Variants in METTL15 observed in about 807,000 individuals in gnomAD.
METTL15 encodes methyltransferase 15, mitochondrial 12S rRNA N4-cytidine.
Under a neutral mutation model 38.3 loss-of-function variants are expected in METTL15, and 34 were observed. The ratio of observed to expected loss-of-function variants is 0.89; its 90% CI spans 0.68 to 1.18. The LOEUF (loss-of-function observed/expected upper bound fraction) is 1.18, where lower values mean the gene tolerates loss of function less well. Ranked by LOEUF, METTL15 falls within the 50% of genes most tolerant of loss-of-function variation. The pLI is 0.00. For missense variants in METTL15, 438 were observed against 498.4 expected (o/e 0.88, Z 1.15); for synonymous variants, 162 against 170.9 (o/e 0.95, Z 0.41).
chr11:28,460,643 C>T (rs573228831), intron 6 of METTL15, among the ~76,000 whole-genome samples: 3 of 152,152 alleles, frequency 2.0e-5, no homozygotes, highest in Admixed American at 6.6e-5. Flanking sequence ...GCTCCCTGCT[C>T]TCAAGGAGCT....
chr11:28,126,418 T>A (rs1590764973), intron 3 of METTL15, among the ~76,000 whole-genome samples: 1 of 152,228 alleles, frequency 6.6e-6, no homozygotes, highest in East Asian at 1.9e-4. Flanking sequence ...AGGTGGGATT[T>A]TTGTCTGACT....
chr11:28,422,274 A>G (rs1443759593), intron 5 of METTL15, among the ~76,000 whole-genome samples: 1 of 152,096 alleles, frequency 6.6e-6, no homozygotes, highest in African/African-American at 2.4e-5. Flanking sequence ...AAAGCAATAT[A>G]TAGATTTAAT....
At chr11:28,430,081 C>A (rs1236757970) in intron 6 of METTL15, among the ~76,000 whole-genome samples, 3 of 148,910 alleles carry the variant, frequency 2.0e-5, no homozygotes, top group African/African-American at 4.9e-5. Flanking sequence ...CGTCTCTGCC[C>A]GGCCGCCCTG....
chr11:28,321,414 A>C (rs538413255), intron 6 of METTL15, among the ~76,000 whole-genome samples: 23 of 152,302 alleles, frequency 1.5e-4, no homozygotes, highest in Non-Finnish European at 3.4e-4. Context: ...TAATAGAAGT[A>C]TTATAATTTT....
chr11:28,487,864 G>A (rs1180251003), intron 6 of METTL15, among the ~76,000 whole-genome samples: 1 of 152,134 alleles, frequency 6.6e-6, no homozygotes, highest in Non-Finnish European at 1.5e-5. Context: ...TAGTTTGGAA[G>A]TAAGAAGGAG....
intron 3 of METTL15, among the ~76,000 whole-genome samples, chr11:28,210,473 G>T (rs1852584594): frequency 6.6e-6 from 1 of 151,460 alleles, no homozygotes; most frequent in Admixed American, 6.6e-5. Context: ...TAGGTATTTT[G>T]ACTTGAAAAG....
At chr11:28,314,599 T>A (rs2134033347) in intron 6 of METTL15, among the ~76,000 whole-genome samples, 1 of 152,314 alleles carries the variant, frequency 6.6e-6, no homozygotes, top group South Asian at 2.1e-4. Flanking sequence ...TAATTAAATA[T>A]AAAGGTGACC....
In METTL15 at chr11:28,124,239, A is replaced by G. The variant is rs143316396; in HGVS notation, c.270+10635A>G. ...CTTATGTTCTAGAGGACACCCTAGA[A>G]GATCTTCAGAGCTTGTTATCAGGCC... On this transcript the variant is annotated intron_variant, in intron 3 of 6. Coordinates refer to ENST00000407364, the MANE Select transcript of METTL15 (RefSeq NM_001113528.2). Among the ~76,000 whole-genome samples the G allele has an allele frequency of 3.3e-3, 508 of 152,200 alleles. 6 individuals carry two copies. The highest frequency in any genetic ancestry group is 0.012 in the African/African-American group (490 of 41,560).
chr11:28,436,467 C>T (rs911920220), intron 6 of METTL15, among the ~76,000 whole-genome samples: 1 of 152,162 alleles, frequency 6.6e-6, no homozygotes, highest in Non-Finnish European at 1.5e-5. Context: ...TTCCATGCAT[C>T]CGTGGTCAGC....
chr11:28,447,061 A>T (rs1418842399), intron 6 of METTL15, among the ~76,000 whole-genome samples: 1 of 45,350 alleles, frequency 2.2e-5, no homozygotes, highest in Non-Finnish European at 6.2e-5. Context: ...AGATTATTTA[A>T]AAAAACACCC....
intron 3 of METTL15, among the ~76,000 whole-genome samples, chr11:28,347,093 C>T (rs1475589263): frequency 6.6e-6 from 1 of 152,182 alleles, no homozygotes; most frequent in Non-Finnish European, 1.5e-5. Context: ...TCACATGTTT[C>T]CTTGGAATTT....
intron 6 of METTL15, among the ~76,000 whole-genome samples, chr11:28,521,999 C>A (rs1195725487): frequency 6.6e-6 from 1 of 152,152 alleles, no homozygotes; most frequent in Non-Finnish European, 1.5e-5. Flanking sequence ...CATCTGTTTT[C>A]TGTTGGGACC....
chr11:28,262,724 T>C (rs1855257720), intron 4 of METTL15, among the ~76,000 whole-genome samples: 1 of 152,162 alleles, frequency 6.6e-6, no homozygotes, highest in Non-Finnish European at 1.5e-5. Flanking sequence ...CCATCTTTCC[T>C]GAGCCAAAAC....
chr11:28,485,449 G>C (rs192946954), intron 6 of METTL15, among the ~76,000 whole-genome samples: 122 of 152,128 alleles, frequency 8.0e-4, no homozygotes, highest in African/African-American at 2.8e-3. Context: ...AAACCAAATC[G>C]CTAAGAAGAG....
At chr11:28,436,174 G>A (rs528449862) in intron 6 of METTL15, among the ~76,000 whole-genome samples, 21 of 152,216 alleles carry the variant, frequency 1.4e-4, no homozygotes, top group Middle Eastern at 6.8e-3. Flanking sequence ...TGGTTTCACC[G>A]TTATATGAAA....
intron 4 of METTL15, among the ~76,000 whole-genome samples, chr11:28,270,309 C>T (rs780319459): frequency 2.0e-5 from 3 of 152,166 alleles, no homozygotes; most frequent in African/African-American, 7.2e-5. Context: ...AATATGTATA[C>T]GTTGTGGAAT....
At chr11:28,183,889 G>GC (rs1176181134) in intron 3 of METTL15, among the ~76,000 whole-genome samples, 1 of 151,952 alleles carries the variant, frequency 6.6e-6, no homozygotes, top group African/African-American at 2.4e-5. Flanking sequence ...GTCTGGTTCT[G>GC]GACTTTTTTG....
chr11:28,123,441 C>T (rs1852335975), intron 3 of METTL15, among the ~76,000 whole-genome samples: 4 of 152,166 alleles, frequency 2.6e-5, no homozygotes, highest in Middle Eastern at 3.4e-3. Flanking sequence ...AAGTAGCATA[C>T]GTAAAATGTT....
chr11:28,315,937 G>A (rs1478758564), intron 6 of METTL15, among the ~76,000 whole-genome samples: 1 of 152,228 alleles, frequency 6.6e-6, no homozygotes, highest in Non-Finnish European at 1.5e-5. Flanking sequence ...AAGATGTATG[G>A]AAACACCTGC....
Sources: gnomAD v4.1 joint callset for allele counts (sites outside exome capture counted in the v4.1 genomes callset) on GRCh38, gnomAD v4.1.1 for gene constraint, MANE v1.5 for transcripts, NCBI Gene and HGNC (gene_info 2026-07-23, HGNC 2026-07-21) for gene names.